The following PCGF6 variants were observed in gnomAD, a reference collection of about 807,000 sequenced individuals.
PCGF6 encodes polycomb group RING finger protein 6.
Under a neutral mutation model 45.5 loss-of-function variants are expected in PCGF6, and 24 were observed. That is an observed-to-expected ratio of 0.53 (90% CI 0.38 to 0.74). The LOEUF (loss-of-function observed/expected upper bound fraction) is 0.74. Among genes scored for constraint, PCGF6 ranks in the 30% least tolerant of loss-of-function variants. The pLI, the probability that PCGF6 is intolerant of heterozygous loss-of-function variation, is 0.00. For synonymous variants in PCGF6, 152 were observed against 162.1 expected (o/e 0.94, Z 0.47); for missense variants, 356 against 443.2 (o/e 0.80, Z 1.77).
chr10:103,314,404 C>A, intron 8 of PCGF6, 132 bp from the exon 9 acceptor site: 1 of 530,494 alleles, frequency 1.9e-6, no homozygotes, highest in East Asian at 3.3e-5. Flanking sequence ...ATTAAACGCT[C>A]TTGAAAAGAG....
Position 103,343,803 on chromosome 10 carries a change from A to G in PCGF6, c.782+1221T>C, listed in dbSNP as rs369209294. ...AGCTGAGATTGCACCACTGCACTCC[A>G]GCCTGGGCGACAGAGTAAAACTCTG... On this transcript the variant is annotated intron_variant, in intron 6 of 9. Transcript: ENST00000369847. Among the ~76,000 whole-genome samples the G allele has an allele frequency of 3.4e-5, 5 of 146,992 alleles. No individual in the cohort carries two copies. The East Asian group carries it at 8.1e-4, about 24-fold the overall frequency.
chr10:103,331,520 C>T (rs1194836549), intron 7 of PCGF6, among the ~76,000 whole-genome samples: 2 of 152,120 alleles, frequency 1.3e-5, no homozygotes, highest in Non-Finnish European at 2.9e-5. Flanking sequence ...GGGCTCCCAA[C>T]GTGCTAGGAT....
chr10:103,345,161 T>C (rs2133598036), intron 5 of PCGF6, 29 bp from the exon 6 acceptor site: 1 of 1,464,156 alleles, frequency 6.8e-7, no homozygotes. Context: ...AAAATGTTAA[T>C]TAAGAATAAA....
intron 9 of PCGF6, among the ~76,000 whole-genome samples, chr10:103,304,561 G>A (rs2093131028): frequency 6.6e-6 from 1 of 151,832 alleles, no homozygotes; most frequent in Non-Finnish European, 1.5e-5. Flanking sequence ...GGCTGGTCTT[G>A]AACTCCTAAT....
At chr10:103,311,579 A>G (rs2093157474) in intron 9 of PCGF6, among the ~76,000 whole-genome samples, 1 of 148,038 alleles carries the variant, frequency 6.8e-6, no homozygotes, top group East Asian at 2.2e-4. Flanking sequence ...AAGTGCTGGG[A>G]TTACAGGCAT....
chr10:103,346,868 C>T (rs1468718476), intron 5 of PCGF6, among the ~76,000 whole-genome samples: 1 of 152,208 alleles, frequency 6.6e-6, no homozygotes, highest in Non-Finnish European at 1.5e-5. Flanking sequence ...ATCATAAAAA[C>T]TAACGTTTGA....
chr10:103,344,341 G>A (rs1452243869), intron 6 of PCGF6, among the ~76,000 whole-genome samples: 2 of 150,898 alleles, frequency 1.3e-5, no homozygotes, highest in Admixed American at 6.6e-5. Context: ...GCACGACCTC[G>A]GTTCACTTCA....
intron 9 of PCGF6, among the ~76,000 whole-genome samples, chr10:103,313,588 C>T (rs529109750): frequency 2.0e-5 from 3 of 151,598 alleles, no homozygotes; most frequent in Non-Finnish European, 4.4e-5. Context: ...AATAAAAATA[C>T]AATATACCAG....
chr10:103,317,487 T>A (rs2093180271), intron 8 of PCGF6, among the ~76,000 whole-genome samples: 1 of 152,084 alleles, frequency 6.6e-6, no homozygotes, highest in Admixed American at 6.6e-5. Context: ...TGTAACAAAT[T>A]CAGAAAACAC....
chr10:103,305,320 G>C (rs1484225117), intron 9 of PCGF6, among the ~76,000 whole-genome samples: 1 of 151,958 alleles, frequency 6.6e-6, no homozygotes, highest in Non-Finnish European at 1.5e-5. Context: ...CACCAGGCTG[G>C]AGTGCAATGG....
intron 8 of PCGF6, among the ~76,000 whole-genome samples, chr10:103,315,550 G>A (rs571892293): frequency 2.6e-5 from 4 of 152,200 alleles, no homozygotes; most frequent in Admixed American, 2.0e-4. Flanking sequence ...TAGTAGAGAC[G>A]GGGTTTCAGT....
rs1320715315 is a variant in PCGF6, at chr10:103,350,932, C to G, written c.135G>C (p.Pro45=). Residue 45 remains proline, a synonymous_variant, in exon 1 of 10, where the codon CCG becomes CCC. Coordinates refer to ENST00000369847, the MANE Select transcript of PCGF6 (RefSeq NM_001011663.2). ...GAGCCCCCGTCTCAGACAGAGGCGC[C>G]GGTCCCTCCTCACCCGCTGCGGGTG... ...TPAPAAGEEG[P]APLSETGAPG... is the part of the protein sequence containing the mutation. The G allele has an allele frequency of 3.3e-6, 5 of 1,512,116 alleles. No homozygotes were observed. Among genetic ancestry groups the G allele is most frequent in the Non-Finnish European group, 4.4e-6 (5 of 1,136,500 alleles). 93.7% of individuals were successfully genotyped at this position (1,512,116 alleles called of 1,614,324 possible).
intron 6 of PCGF6, among the ~76,000 whole-genome samples, chr10:103,340,192 A>ATATATAT (rs1176186230): frequency 2.8e-5 from 3 of 105,798 alleles, no homozygotes; most frequent in Admixed American, 1.1e-4. Context: ...AAAAAAAAAA[A>ATATATAT]AAAAAAATAT....
intron 8 of PCGF6, among the ~76,000 whole-genome samples, chr10:103,325,142 T>TAAATAAAATA (rs202037510): frequency 0.065 from 9,365 of 145,024 alleles, 906 homozygotes; most frequent in African/African-American, 0.21. Flanking sequence ...CTCAAAATAA[T>TAAATAAAATA]AAATAAAATA....
chr10:103,314,600 A>G (rs1274076090), intron 8 of PCGF6, among the ~76,000 whole-genome samples: 1 of 152,224 alleles, frequency 6.6e-6, no homozygotes, highest in East Asian at 1.9e-4. Flanking sequence ...AAGTCAAATT[A>G]GATGTATTCA....
At chr10:103,331,645 G>A (rs12253433) in intron 7 of PCGF6, among the ~76,000 whole-genome samples, 3,554 of 152,178 alleles carry the variant, frequency 0.023, 109 homozygotes, top group African/African-American at 0.075. Flanking sequence ...TGTCCCTTAA[G>A]TTACTTTTCT....
At position 103,335,216 on chromosome 10, in the gene PCGF6, T is replaced by TA. The variant is rs544057775; in HGVS notation, c.783-1265dup. Reference sequence around the variant, plus strand: ...ATATGTGCCACCATGCATGGCTAATTAAAAAAAAAAAAAAATTTTAAGAGA... The same window carrying TA: ...ATATGTGCCACCATGCATGGCTAATTAAAAAAAAAAAAAAAATTTTAAGAGA... On this transcript the variant is annotated intron_variant, in intron 6 of 9. Transcript: ENST00000369847. Among the ~76,000 whole-genome samples, 1,078 of 142,222 alleles carry TA rather than the reference T, an allele frequency of 7.6e-3. 48 individuals are homozygous for TA. The East Asian group carries it at 0.13, about 18-fold the overall frequency. 93.3% of individuals were successfully genotyped at this position (142,222 alleles called of 152,430 possible).
At chr10:103,305,008 A>C (rs2093133006) in intron 9 of PCGF6, among the ~76,000 whole-genome samples, 2 of 151,866 alleles carry the variant, frequency 1.3e-5, no homozygotes, top group African/African-American at 4.8e-5. Flanking sequence ...ATAAACACAA[A>C]CTGGAGTGCA....
chr10:103,321,619 G>A (rs2093197781), intron 8 of PCGF6, among the ~76,000 whole-genome samples: 1 of 152,000 alleles, frequency 6.6e-6, no homozygotes, highest in South Asian at 2.1e-4. Flanking sequence ...GGCTGAGGCA[G>A]GAGAATGGCA....
Sources: gnomAD v4.1 joint callset for allele counts (sites outside exome capture counted in the v4.1 genomes callset) on GRCh38, gnomAD v4.1.1 for gene constraint, MANE v1.5 for transcripts, NCBI Gene and HGNC (gene_info 2026-07-23, HGNC 2026-07-21) for gene names.